LHFPL3: variants seen among roughly 807,000 people sequenced by gnomAD.
LHFPL3 encodes LHFPL tetraspan subfamily member 3.
Under a neutral mutation model 19.3 loss-of-function variants are expected in LHFPL3, and 5 were observed. The observed-to-expected ratio is 0.26, with a 90% CI of 0.14 to 0.54. LHFPL3 has a LOEUF of 0.54. LHFPL3 is among the 20% of genes least tolerant of loss of function. The pLI, the probability that LHFPL3 is intolerant of heterozygous loss-of-function variation, is 0.94. For synonymous variants in LHFPL3, 133 were observed against 126.2 expected (o/e 1.05, Z -0.36); for missense variants, 249 against 307.4 (o/e 0.81, Z 1.42).
At chr7:104,602,224 T>G (rs1305443089) in intron 1 of LHFPL3, among the ~76,000 whole-genome samples, 2 of 152,020 alleles carry the variant, frequency 1.3e-5, no homozygotes, top group Non-Finnish European at 2.9e-5. Flanking sequence ...TTTCACCATG[T>G]TGGCCAGGCT....
At chr7:104,557,383 C>G (rs1213851494) in intron 1 of LHFPL3, among the ~76,000 whole-genome samples, 4 of 152,162 alleles carry the variant, frequency 2.6e-5, no homozygotes, top group Non-Finnish European at 5.9e-5. Flanking sequence ...TGGATGGCAG[C>G]AGGCAAAGAG....
chr7:104,871,025 G>C (rs1273623180), intron 2 of LHFPL3, among the ~76,000 whole-genome samples: 1 of 152,098 alleles, frequency 6.6e-6, no homozygotes, highest in Non-Finnish European at 1.5e-5. Flanking sequence ...CTTGACTGAG[G>C]GTCAACCTAA....
chr7:104,879,576 T>G (rs79298131), intron 2 of LHFPL3, among the ~76,000 whole-genome samples: 246 of 152,130 alleles, frequency 1.6e-3, no homozygotes, highest in Admixed American at 2.4e-3. Context: ...TTTTAAAAAA[T>G]TAGTTGGGTA....
At chr7:104,554,033 T>C (rs548066845) in intron 1 of LHFPL3, among the ~76,000 whole-genome samples, 68 of 152,310 alleles carry the variant, frequency 4.5e-4, no homozygotes, top group African/African-American at 1.6e-3. Flanking sequence ...TGTGACTTTT[T>C]CCTGGCTGAT....
intron 2 of LHFPL3, among the ~76,000 whole-genome samples, chr7:104,855,197 C>T (rs189751054): frequency 1.3e-4 from 20 of 152,276 alleles, no homozygotes; most frequent in African/African-American, 4.6e-4. Context: ...TACCGTGAGA[C>T]ACCGTGTCAT....
intron 1 of LHFPL3, among the ~76,000 whole-genome samples, chr7:104,386,218 C>G (rs1188600598): frequency 6.6e-6 from 1 of 152,190 alleles, no homozygotes; most frequent in Non-Finnish European, 1.5e-5. Flanking sequence ...TTCAAAAAGT[C>G]CCATTCCCAG....
intron 1 of LHFPL3, among the ~76,000 whole-genome samples, chr7:104,735,274 C>A (rs1033814016): frequency 1.3e-4 from 20 of 152,198 alleles, no homozygotes; most frequent in Non-Finnish European, 1.2e-4. Flanking sequence ...GTCTGCAGAG[C>A]TTTCTGCTGC....
chr7:104,867,294 T>C (rs1238449407), intron 2 of LHFPL3, among the ~76,000 whole-genome samples: 4 of 152,034 alleles, frequency 2.6e-5, no homozygotes, highest in Non-Finnish European at 2.9e-5. Context: ...CAGGAGCTGG[T>C]TTTTTGAAAA....
At chr7:104,644,734 C>T (rs1007762620) in intron 1 of LHFPL3, among the ~76,000 whole-genome samples, 9 of 69,520 alleles carry the variant, frequency 1.3e-4, no homozygotes, top group South Asian at 1.4e-3. Flanking sequence ...CTGTTGCTCC[C>T]GCTTGGGACA....
Position 104,655,714 on chromosome 7 carries a change from G to A in LHFPL3, c.446-80961G>A, listed in dbSNP as rs572083317. The stretch of plus-strand genomic sequence containing the variant: ...TTGCAGTGGGATTTTAACTTATGCT[G>A]CATTATATGTCTCCTACCTCTTATC... On this transcript the variant is annotated intron_variant, in intron 1 of 2. Transcript: ENST00000424859. 5.9e-5 allele frequency among the ~76,000 whole-genome samples: 9 copies of A among 152,322 alleles called. No homozygotes were observed. The South Asian group carries it at 1.7e-3, about 28-fold the overall frequency.
intron 1 of LHFPL3, among the ~76,000 whole-genome samples, chr7:104,620,568 C>A (rs1425796327): frequency 6.6e-6 from 1 of 152,136 alleles, no homozygotes; most frequent in Non-Finnish European, 1.5e-5. Flanking sequence ...TAGTTTCAGC[C>A]TTTTTCGTTG....
chr7:104,669,439 G>A, intron 1 of LHFPL3: 1 of 1,613,268 alleles, frequency 6.2e-7, no homozygotes, highest in Non-Finnish European at 8.5e-7. Context: ...TGGCAAAAAG[G>A]ATCAAGACTC....
intron 1 of LHFPL3, among the ~76,000 whole-genome samples, chr7:104,330,536 A>G (rs961064884): frequency 1.3e-5 from 2 of 152,110 alleles, no homozygotes; most frequent in African/African-American, 4.8e-5. Flanking sequence ...TGATAAGGAA[A>G]GAGAAGCTTG....
At chr7:104,608,240 C>T (rs1272121196) in intron 1 of LHFPL3, among the ~76,000 whole-genome samples, 1 of 151,864 alleles carries the variant, frequency 6.6e-6, no homozygotes, top group Admixed American at 6.6e-5. Flanking sequence ...AGACTTGGAA[C>T]CAACCCAAAT....
At chr7:104,739,051 G>A (rs1793882659) in intron 2 of LHFPL3, 1 of 152,120 alleles carries the variant, frequency 6.6e-6, no homozygotes, top group South Asian at 2.1e-4. Context: ...AAACATTTCA[G>A]TTGCACCACA....
At chr7:104,881,372 C>T (rs917049672) in intron 2 of LHFPL3, among the ~76,000 whole-genome samples, 1 of 152,006 alleles carries the variant, frequency 6.6e-6, no homozygotes, top group African/African-American at 2.4e-5. Flanking sequence ...TCAACATTAA[C>T]AAGAGTTTGG....
rs1036723086 is a variant in LHFPL3 at position 104,824,805 on chromosome 7, AAT to A, written c.683-81374_683-81373del. ...TATTTCAAACTTCTCTGTTTCAAAA[AAT>A]ATATATAATGATATATTATATAATT... On this transcript the variant is annotated intron_variant, in intron 2 of 2. Coordinates refer to ENST00000424859, the MANE Select transcript of LHFPL3 (RefSeq NM_199000.3). Among the ~76,000 whole-genome samples, 59 of 123,628 alleles carry A rather than the reference AAT, an allele frequency of 4.8e-4. 1 individual carries two copies. Among genetic ancestry groups the A allele is most frequent in the South Asian group, 3.2e-3 (14 of 4,378 alleles). 81.1% of individuals were successfully genotyped at this position (123,628 alleles called of 152,430 possible).
At chr7:104,366,209 CAG>C (rs1020019778) in intron 1 of LHFPL3, among the ~76,000 whole-genome samples, 7 of 152,142 alleles carry the variant, frequency 4.6e-5, no homozygotes, top group African/African-American at 1.7e-4. Context: ...GAGGGTAAAA[CAG>C]TGCTCAATAA....
chr7:104,570,463 C>T (rs10270298), intron 1 of LHFPL3, among the ~76,000 whole-genome samples: 20,669 of 152,136 alleles, frequency 0.14, 3,293 homozygotes, highest in African/African-American at 0.39. Flanking sequence ...CTGAATTCAA[C>T]CAGAACTTAG....
Sources: gnomAD v4.1 joint callset for allele counts (sites outside exome capture counted in the v4.1 genomes callset) on GRCh38, gnomAD v4.1.1 for gene constraint, MANE v1.5 for transcripts, NCBI Gene and HGNC (gene_info 2026-07-23, HGNC 2026-07-21) for gene names.